Variants in LRRFIP1 observed in about 807,000 individuals in gnomAD.
LRRFIP1 encodes leucine-rich repeat flightless-interacting protein 1.
LRRFIP1 carries 62 observed loss-of-function variants against 104.4 expected under a neutral mutation model. That is an observed-to-expected ratio of 0.59 (90% CI 0.48 to 0.73). The LOEUF (loss-of-function observed/expected upper bound fraction) is 0.73. Among genes scored for constraint, LRRFIP1 ranks in the 30% least tolerant of loss-of-function variants. LRRFIP1 has a pLI of 0.00. For synonymous variants in LRRFIP1, 300 were observed against 299.0 expected, an observed-to-expected ratio of 1.00 and a Z score of -0.03; for missense variants, 796 against 824.5, an observed-to-expected ratio of 0.97 and a Z score of 0.42.
At chr2:237,765,078 A>G (rs1388478330) in intron 19 of LRRFIP1, 4 of 575,196 alleles carry the variant, frequency 7.0e-6, no homozygotes, top group African/African-American at 4.1e-5. Context: ...CCTGGCCAAC[A>G]TGGTGAAACC....
At chr2:237,700,820 C>T (rs910682760) in intron 1 of LRRFIP1, among the ~76,000 whole-genome samples, 3 of 152,166 alleles carry the variant, frequency 2.0e-5, no homozygotes, top group Admixed American at 1.3e-4. Flanking sequence ...AGGTGGGAGC[C>T]GCCTCTGGTT....
At chr2:237,701,089 A>G (rs2093495807) in intron 1 of LRRFIP1, among the ~76,000 whole-genome samples, 1 of 152,224 alleles carries the variant, frequency 6.6e-6, no homozygotes, top group Admixed American at 6.5e-5. Flanking sequence ...TTCAATGCTC[A>G]GGAAATGTAT....
chr2:237,666,181 G>C (rs2089204586), intron 1 of LRRFIP1, among the ~76,000 whole-genome samples: 1 of 152,234 alleles, frequency 6.6e-6, no homozygotes, highest in African/African-American at 2.4e-5. Context: ...ACAGCACTCG[G>C]CACAGTGCCT....
At chr2:237,769,880 G>A in intron 19 of LRRFIP1, 63 bp from the exon 20 acceptor site, 6 of 1,153,418 alleles carry the variant, frequency 5.2e-6, no homozygotes, top group Admixed American at 2.0e-5. Context: ...CTTCAGTTTA[G>A]CAATGTGCTG....
intron 1 of LRRFIP1, among the ~76,000 whole-genome samples, chr2:237,633,092 G>A (rs1323640977): frequency 3.3e-5 from 5 of 152,124 alleles, no homozygotes; most frequent in African/African-American, 4.8e-5. Context: ...TTCAGTGCCC[G>A]GCAGGACACA....
At chr2:237,771,569 C>T (rs1018948506) in intron 20 of LRRFIP1, among the ~76,000 whole-genome samples, 1 of 126,158 alleles carries the variant, frequency 7.9e-6, no homozygotes, top group Non-Finnish European at 1.7e-5. Context: ...CCCCCCCGCC[C>T]AGATACCAAG....
chr2:237,686,676 C>T (rs757940333), intron 1 of LRRFIP1, among the ~76,000 whole-genome samples: 8 of 152,206 alleles, frequency 5.3e-5, no homozygotes, highest in African/African-American at 7.2e-5. Flanking sequence ...TATGTAAGCC[C>T]GGCACTGGAG....
Position 237,690,575 on chromosome 2 carries a change from A to G in LRRFIP1, c.97-17969A>G, listed in dbSNP as rs185615971. 7.4e-3 allele frequency among the ~76,000 whole-genome samples: 1,121 copies of G among 152,158 alleles called. 12 individuals carry two copies. The highest frequency in any genetic ancestry group is 0.015 in the South Asian group (73 of 4,818). ...AACATGGTGAAACCCCGACTCTACT[A>G]AAAATACAAAAATGAGCCGGGCATG... On this transcript the variant is annotated intron_variant, in intron 1 of 23. Transcript: ENST00000308482.
chr2:237,735,531 A>T lies in LRRFIP1; in HGVS notation c.555+198A>T, dbSNP rs1295891010. Reference sequence around the variant, plus strand: ...CAGGAAACCTCTGGTTGTTGGTTTCATGTCCTCACTCATCAGGGAGAGTAA... The same window carrying T: ...CAGGAAACCTCTGGTTGTTGGTTTCTTGTCCTCACTCATCAGGGAGAGTAA... On this transcript the variant is annotated intron_variant, in intron 10 of 23. Transcript: ENST00000308482. This position sits in a 1 kb window ranked among gnomAD's most constrained non-coding sequence, Gnocchi z 4.6. 1.4e-5 allele frequency: 8 copies of T among 557,672 alleles called. No homozygotes were observed. The highest frequency in any genetic ancestry group is 2.5e-5 in the Non-Finnish European group (8 of 316,370). 34.5% of individuals were successfully genotyped at this position (557,672 alleles called of 1,614,324 possible). A position where few individuals can be genotyped will look rare whatever the true frequency, so the allele number is the denominator to read the frequency against.
chr2:237,730,919 G>GACAA (rs3053643), intron 8 of LRRFIP1, among the ~76,000 whole-genome samples: 4,330 of 151,408 alleles, frequency 0.029, 139 homozygotes, highest in East Asian at 0.075. Flanking sequence ...TTCCATCTCA[G>GACAA]ACAAACAAAC....
chr2:237,695,639 C>T (rs899236281), intron 1 of LRRFIP1, among the ~76,000 whole-genome samples: 1 of 152,158 alleles, frequency 6.6e-6, no homozygotes, highest in Non-Finnish European at 1.5e-5. Context: ...TTTAGATTAC[C>T]AACCTCTTCA....
intron 1 of LRRFIP1, among the ~76,000 whole-genome samples, chr2:237,698,821 A>G (rs1027962125): frequency 3.9e-5 from 6 of 152,200 alleles, no homozygotes; most frequent in Non-Finnish European, 8.8e-5. Context: ...AGAGATCCAC[A>G]CTGGAGTTCT....
At chr2:237,685,117 C>A (rs1482157845) in intron 1 of LRRFIP1, among the ~76,000 whole-genome samples, 5 of 32,260 alleles carry the variant, frequency 1.5e-4, no homozygotes, top group Admixed American at 5.3e-4. Flanking sequence ...CTCCCCCCCC[C>A]ACACAAAAAA....
At chr2:237,762,788 C>A (rs750248528) in intron 19 of LRRFIP1, 1 of 1,614,218 alleles carries the variant, frequency 6.2e-7, no homozygotes. Context: ...TGCCCCATTC[C>A]TAGGAACCTT....
chr2:237,743,481 C>T (rs1391014316), intron 11 of LRRFIP1, among the ~76,000 whole-genome samples: 1 of 152,210 alleles, frequency 6.6e-6, no homozygotes, highest in Non-Finnish European at 1.5e-5. Context: ...GCATCAGCCC[C>T]ATCTCAAGAC....
intron 12 of LRRFIP1, 129 bp from the exon 13 acceptor site, chr2:237,749,070 T>C: frequency 1.1e-6 from 1 of 914,352 alleles, no homozygotes. Context: ...ACTGCCCCCG[T>C]GATCCAGTCT....
intron 1 of LRRFIP1, among the ~76,000 whole-genome samples, chr2:237,705,549 A>T (rs2093761152): frequency 1.3e-5 from 2 of 152,090 alleles, no homozygotes; most frequent in South Asian, 2.1e-4. Context: ...CTGTAGTGCC[A>T]GCTACTTGGG....
At chr2:237,645,580 A>G (rs1441792471) in intron 1 of LRRFIP1, among the ~76,000 whole-genome samples, 1 of 151,916 alleles carries the variant, frequency 6.6e-6, no homozygotes, top group Non-Finnish European at 1.5e-5. Flanking sequence ...ATGGATGAAA[A>G]CAAGATATGC....
At chr2:237,733,616 T>C (rs1405371853) in intron 8 of LRRFIP1, among the ~76,000 whole-genome samples, 158 bp from the exon 9 acceptor site, 1 of 152,254 alleles carries the variant, frequency 6.6e-6, no homozygotes, top group Non-Finnish European at 1.5e-5. Context: ...TCTATCAAAT[T>C]TGCAGAAAAC....
Sources: gnomAD v4.1 joint callset for allele counts (sites outside exome capture counted in the v4.1 genomes callset) on GRCh38, gnomAD v4.1.1 for gene constraint, Gnocchi (gnomAD v3.1) non-coding constraint, MANE v1.5 for transcripts, NCBI Gene and HGNC (gene_info 2026-07-23, HGNC 2026-07-21) for gene names.